SLC9C2: variants seen among roughly 807,000 people sequenced by gnomAD.
SLC9C2 encodes the protein solute carrier family 9 member C2 (putative).
In SLC9C2, 75 loss-of-function variants were observed where a neutral mutation model predicts 140.2. The observed-to-expected ratio is 0.53, with a 90% CI of 0.44 to 0.65. The LOEUF is 0.65. Ranked by LOEUF, SLC9C2 falls within the 30% of genes least tolerant of loss-of-function variation. SLC9C2 has a pLI of 0.00. For synonymous variants in SLC9C2, 375 were observed against 420.9 expected, an observed-to-expected ratio of 0.89 and a Z score of 1.34; for missense variants, 1,074 against 1,331.8, an observed-to-expected ratio of 0.81 and a Z score of 3.01.
At chr1:173,570,773 G>A (rs938796711) in intron 9 of SLC9C2, among the ~76,000 whole-genome samples, 2 of 152,180 alleles carry the variant, frequency 1.3e-5, no homozygotes, top group African/African-American at 4.8e-5. Flanking sequence ...GGTGCTGGCT[G>A]AGTTCAGCAC....
intron 8 of SLC9C2, among the ~76,000 whole-genome samples, chr1:173,574,645 G>A (rs1225163441): frequency 1.3e-5 from 2 of 151,318 alleles, no homozygotes; most frequent in Non-Finnish European, 2.9e-5. Context: ...TGAGTAGCTG[G>A]GACTACAGGC....
At chr1:173,591,779 A>G (rs1369040301) in intron 4 of SLC9C2, among the ~76,000 whole-genome samples, 1 of 152,198 alleles carries the variant, frequency 6.6e-6, no homozygotes, top group Admixed American at 6.5e-5. Context: ...GACCTTTGTC[A>G]CATGCATAGT....
At chr1:173,578,758 G>A (rs143302625) in intron 7 of SLC9C2, among the ~76,000 whole-genome samples, 138 of 152,274 alleles carry the variant, frequency 9.1e-4, no homozygotes, top group African/African-American at 3.2e-3. Flanking sequence ...TTCTCTCTGT[G>A]TCTTCACATA....
chr1:173,526,448 T>TA (rs1453511259), intron 19 of SLC9C2, among the ~76,000 whole-genome samples: 2 of 152,224 alleles, frequency 1.3e-5, no homozygotes, highest in African/African-American at 2.4e-5. Context: ...TATCTATTGA[T>TA]ACGCTCATAC....
chr1:173,526,826 C>T (rs1661236345), intron 18 of SLC9C2, 112 bp from the exon 19 acceptor site: 3 of 742,220 alleles, frequency 4.0e-6, no homozygotes, highest in Non-Finnish European at 6.5e-6. Flanking sequence ...CTTATTATAC[C>T]AAGTATAGTT....
chr1:173,567,098 C>G (rs952686356), intron 9 of SLC9C2, among the ~76,000 whole-genome samples: 1 of 152,048 alleles, frequency 6.6e-6, no homozygotes, highest in Admixed American at 6.5e-5. Flanking sequence ...TATGGTCTGT[C>G]CTTCAGAATG....
chr1:173,568,360 T>C (rs1167369270), intron 9 of SLC9C2, among the ~76,000 whole-genome samples: 1 of 152,006 alleles, frequency 6.6e-6, no homozygotes, highest in Non-Finnish European at 1.5e-5. Context: ...TAGCCTCCAC[T>C]TGTAAGTTAT....
At chr1:173,504,351 C>T (rs1423985572) in intron 26 of SLC9C2, among the ~76,000 whole-genome samples, 2 of 152,144 alleles carry the variant, frequency 1.3e-5, no homozygotes, top group African/African-American at 4.8e-5. Flanking sequence ...CACCAATTGG[C>T]ACTTGGCACA....
At position 173,517,395 on chromosome 1, in the gene SLC9C2, C is replaced by G. The variant is rs1478536250; in HGVS notation, c.2907+142G>C. On this transcript the variant is annotated intron_variant, in intron 23 of 27. Transcript: ENST00000367714. ...TTGGCAGAGCCTGGGATGTGAGACA[C>G]TAAATCTGCCTTTTCAGCTATGTTA... 5.5e-6 allele frequency: 4 copies of G among 721,844 alleles called. No individual in the cohort carries two copies. In the Admixed American group the frequency reaches 9.9e-5, roughly 18 times the overall value. 44.7% of individuals were successfully genotyped at this position (721,844 alleles called of 1,614,324 possible).
intron 9 of SLC9C2, among the ~76,000 whole-genome samples, chr1:173,567,030 A>G (rs985338519): frequency 4.6e-5 from 7 of 151,870 alleles, no homozygotes; most frequent in African/African-American, 1.7e-4. Flanking sequence ...ATTCTGGAAA[A>G]TGCTTGATAT....
chr1:173,506,784 T>C, intron 25 of SLC9C2, 72 bp downstream of exon 25: 2 of 1,256,572 alleles, frequency 1.6e-6, no homozygotes, highest in South Asian at 1.4e-5. Flanking sequence ...TTTAAGGTGA[T>C]CAGTTGAGTT....
At position 173,550,717 on chromosome 1, in the gene SLC9C2, G is replaced by A. The variant is rs548993054; in HGVS notation, c.1298-2165C>T. Among the ~76,000 whole-genome samples the A allele has an allele frequency of 5.4e-4, 82 of 151,092 alleles. 1 individual carries two copies. Among genetic ancestry groups the A allele is most frequent in the African/African-American group, 1.9e-3 (78 of 41,194 alleles). On this transcript the variant is annotated intron_variant, in intron 11 of 27. Coordinates refer to ENST00000367714, the MANE Select transcript of SLC9C2 (RefSeq NM_178527.4). ...CTTCCAAAGTGTTGAGATTACAGGC[G>A]TGAGCCACCACGCCCAGCCCTGTAT...
Position 173,503,344 on chromosome 1 carries a change from T to A in SLC9C2, c.3311-18A>T, listed in dbSNP as rs1342588837. On this transcript the variant is annotated intron_variant, in intron 26 of 27. Coordinates refer to ENST00000367714, the MANE Select transcript of SLC9C2 (RefSeq NM_178527.4). ...GACTGAGGCTAACCAAATCCAAGCA[T>A]TGAACAGAAAAAGTAAATTAGGAAT... The A allele has an allele frequency of 3.1e-6, 5 of 1,608,394 alleles. No individual in the cohort carries two copies. Among genetic ancestry groups the A allele is most frequent in the Non-Finnish European group, 4.2e-6 (5 of 1,177,296 alleles).
chr1:173,532,854 C>T (rs1661676498), intron 17 of SLC9C2, among the ~76,000 whole-genome samples: 1 of 152,000 alleles, frequency 6.6e-6, no homozygotes, highest in African/African-American at 2.4e-5. Flanking sequence ...TTAGACCAGC[C>T]TGGACAATAA....
At chr1:173,585,936 C>T (rs1390039372) in intron 5 of SLC9C2, among the ~76,000 whole-genome samples, 2 of 151,668 alleles carry the variant, frequency 1.3e-5, no homozygotes, top group Admixed American at 6.6e-5. Flanking sequence ...CCATTGCACT[C>T]CAGCCTGGGG....
intron 27 of SLC9C2, 45 bp from the exon 28 acceptor site, chr1:173,501,142 C>T: frequency 6.7e-7 from 1 of 1,486,468 alleles, no homozygotes; most frequent in Non-Finnish European, 9.0e-7. Context: ...ATAAACATTT[C>T]AGGAAAAACT....
intron 4 of SLC9C2, chr1:173,596,545 T>G (rs1186061715): frequency 1.3e-5 from 2 of 152,172 alleles, no homozygotes; most frequent in Non-Finnish European, 2.9e-5. Context: ...TCTTTCCAAG[T>G]GCTTTTATTC....
At chr1:173,602,430 G>A (rs192597659) in intron 1 of SLC9C2, among the ~76,000 whole-genome samples, 2 of 152,332 alleles carry the variant, frequency 1.3e-5, no homozygotes, top group South Asian at 2.1e-4. Context: ...GGTTGGGGGT[G>A]AGGATAAGGG....
In SLC9C2 at chr1:173,520,983, G is replaced by T. The variant is rs114038299; in HGVS notation, c.2739+318C>A. On this transcript the variant is annotated intron_variant, in intron 22 of 27. Transcript: ENST00000367714. ...GAGACAGATTAAAAGCTGTATTTTT[G>T]ATCCTCATTCTATTTCCTTTAGGTG... Among the ~76,000 whole-genome samples, 1,437 of 152,094 alleles carry T rather than the reference G, an allele frequency of 9.4e-3. 27 individuals are homozygous for T. The highest frequency in any genetic ancestry group is 0.033 in the African/African-American group (1,380 of 41,482).
Sources: gnomAD v4.1 joint callset for allele counts (sites outside exome capture counted in the v4.1 genomes callset) on GRCh38, gnomAD v4.1.1 for gene constraint, MANE v1.5 for transcripts, NCBI Gene and HGNC (gene_info 2026-07-23, HGNC 2026-07-21) for gene names.